ITGB8: variants seen among roughly 807,000 people sequenced by gnomAD.
The protein encoded by ITGB8 is integrin subunit beta 8.
In ITGB8, 30 loss-of-function variants were observed where a neutral mutation model predicts 89.5. That is an observed-to-expected ratio of 0.34 (90% CI 0.25 to 0.45). ITGB8 has a LOEUF of 0.45. Among genes scored for constraint, ITGB8 ranks in the 20% least tolerant of loss-of-function variants. ITGB8 has a pLI of 1.00. For synonymous variants in ITGB8, 335 were observed against 320.4 expected, an observed-to-expected ratio of 1.05 and a Z score of -0.49; for missense variants, 836 against 933.3, an observed-to-expected ratio of 0.90 and a Z score of 1.36.
At chr7:20,363,551 A>G in intron 1 of ITGB8, 86 bp from the exon 2 acceptor site, 2 of 667,592 alleles carry the variant, frequency 3.0e-6, no homozygotes, top group South Asian at 7.9e-5. Context: ...ATTTGTTTCA[A>G]TTGTTCATTT....
intron 11 of ITGB8, among the ~76,000 whole-genome samples, chr7:20,405,477 A>ATTTTT (rs35951169): frequency 7.0e-6 from 1 of 142,044 alleles, no homozygotes; most frequent in Admixed American, 7.1e-5. Context: ...CGCCGGGCTA[A>ATTTTT]TTTTTTTTTT....
intron 1 of ITGB8, among the ~76,000 whole-genome samples, chr7:20,341,448 G>C (rs1030988796): frequency 6.6e-6 from 1 of 152,174 alleles, no homozygotes; most frequent in African/African-American, 2.4e-5. Context: ...GAGGGCCAAC[G>C]TATATAATCA....
At chr7:20,346,230 A>T (rs531904965) in intron 1 of ITGB8, among the ~76,000 whole-genome samples, 12 of 152,288 alleles carry the variant, frequency 7.9e-5, no homozygotes, top group Admixed American at 7.2e-4. Context: ...AGGGGAAGAC[A>T]AGTTCTCAGG....
In ITGB8 at chr7:20,411,868, C is replaced by T. The variant is rs1359109856; in HGVS notation, c.*1871C>T. On this transcript the variant is annotated 3_prime_UTR_variant, in exon 14 of 14. Transcript: ENST00000222573. ...CAGTGCTCAGCTTGAGACCTTGATA[C>T]ACGGGCCATGAGCCCTGTCTTCCCC... 1 of 152,302 alleles carries T rather than the reference C, an allele frequency of 6.6e-6. No individual in the cohort carries two copies. The highest frequency in any genetic ancestry group is 1.5e-5 in the Non-Finnish European group (1 of 68,056). 9.4% of individuals were successfully genotyped at this position (152,302 alleles called of 1,614,324 possible).
rs1554299676 is a variant in ITGB8, at chr7:20,331,373, T to C, written c.-434T>C. ...CCAGTGAATGTACATTAGGGTGGTT[T>C]CCCCCCCAGCTTCGGGCTTTGTTTG... On this transcript the variant is annotated 5_prime_UTR_variant, in exon 1 of 14. Transcript: ENST00000222573. The C allele has an allele frequency of 5.0e-6, 2 of 397,578 alleles. No homozygotes were observed. Among genetic ancestry groups the C allele is most frequent in the Non-Finnish European group, 8.8e-6 (2 of 226,462 alleles). 24.6% of individuals were successfully genotyped at this position (397,578 alleles called of 1,614,324 possible). A position where few individuals can be genotyped will look rare whatever the true frequency, so the allele number is the denominator to read the frequency against.
intron 1 of ITGB8, among the ~76,000 whole-genome samples, chr7:20,342,797 G>A (rs995830472): frequency 1.3e-5 from 2 of 152,164 alleles, no homozygotes; most frequent in African/African-American, 4.8e-5. Context: ...GCATTTGAGA[G>A]CACAGAAACC....
At position 20,380,953 on chromosome 7, in the gene ITGB8, A is replaced by G. The variant is rs575771473; in HGVS notation, c.801+122A>G. 15 of 799,162 alleles carry G rather than the reference A, an allele frequency of 1.9e-5. No homozygotes were observed. The African/African-American group carries it at 2.6e-4, about 14-fold the overall frequency. The allele number at this position is 799,162 out of a possible 1,614,324, so 49.5% of individuals were successfully genotyped here. On this transcript the variant is annotated intron_variant, in intron 5 of 13. Transcript: ENST00000222573. Reference sequence around the variant, plus strand: ...AGTGTAGAAGAAAACATATCTTACTATCTCTTACTCCTCACCAAGGTGATT... The same window carrying G: ...AGTGTAGAAGAAAACATATCTTACTGTCTCTTACTCCTCACCAAGGTGATT...
At chr7:20,402,266 T>C (rs1411826058) in intron 10 of ITGB8, 140 bp downstream of exon 10, 16 of 696,812 alleles carry the variant, frequency 2.3e-5, no homozygotes, top group Non-Finnish European at 3.6e-5. Context: ...GTCCATGAAA[T>C]TAGGGCATGG....
chr7:20,373,221 TAAATGACATTTAA>T (rs1303908819), intron 3 of ITGB8, among the ~76,000 whole-genome samples: 2 of 152,332 alleles, frequency 1.3e-5, no homozygotes, highest in African/African-American at 4.8e-5. Flanking sequence ...TTGGATGTTT[TAAATGACATTTAA>T]AAATGACATT....
At chr7:20,356,496 T>C (rs1785299113) in intron 1 of ITGB8, among the ~76,000 whole-genome samples, 1 of 152,202 alleles carries the variant, frequency 6.6e-6, no homozygotes, top group Admixed American at 6.5e-5. Context: ...GCAGAACATG[T>C]ATTAATTACA....
intron 1 of ITGB8, among the ~76,000 whole-genome samples, chr7:20,349,937 G>A (rs192136664): frequency 6.6e-6 from 1 of 152,078 alleles, no homozygotes; most frequent in East Asian, 1.9e-4. Flanking sequence ...CAGATGTATA[G>A]ACCTCTGAAG....
Position 20,396,167 on chromosome 7 carries a change from G to A in ITGB8, c.1146+1182G>A, listed in dbSNP as rs552860833. 2.6e-5 allele frequency among the ~76,000 whole-genome samples: 4 copies of A among 152,254 alleles called. No individual in the cohort carries two copies. In the East Asian group the frequency reaches 5.8e-4, roughly 22 times the overall value. ...GAAATGAAGAACTTAGGCCGGGCGC[G>A]GTGGTTCATGCCTGTAATCCCAGCA... On this transcript the variant is annotated intron_variant, in intron 8 of 13. Transcript: ENST00000222573.
intron 1 of ITGB8, among the ~76,000 whole-genome samples, chr7:20,357,266 A>G (rs2128134244): frequency 6.6e-6 from 1 of 152,288 alleles, no homozygotes; most frequent in South Asian, 2.1e-4. Context: ...TATATATTCA[A>G]CTTTATGGGC....
At chr7:20,378,651 G>A (rs952999072) in intron 3 of ITGB8, among the ~76,000 whole-genome samples, 7 of 151,782 alleles carry the variant, frequency 4.6e-5, no homozygotes, top group African/African-American at 9.7e-5. Flanking sequence ...CATTCCACAC[G>A]TACATCCCCC....
In ITGB8 at chr7:20,413,757, T is replaced by C. The variant is rs1188289385; in HGVS notation, c.*3760T>C. The C allele has an allele frequency of 1.3e-5, 2 of 152,238 alleles. No homozygotes were observed. The highest frequency in any genetic ancestry group is 2.4e-5 in the African/African-American group (1 of 41,566). The allele number at this position is 152,238 out of a possible 1,614,324, so 9.4% of individuals were successfully genotyped here. A position where few individuals can be genotyped will look rare whatever the true frequency, so the allele number is the denominator to read the frequency against. ...ACAACTGTTTGAGCTTCTTTTCATT[T>C]TGAAGGATTTGGAATATATATGTTT... On this transcript the variant is annotated 3_prime_UTR_variant, in exon 14 of 14. Transcript: ENST00000222573.
chr7:20,385,543 C>T (rs1210344761), intron 6 of ITGB8, among the ~76,000 whole-genome samples: 1 of 152,170 alleles, frequency 6.6e-6, no homozygotes, highest in East Asian at 1.9e-4. Context: ...AGTCGATCAG[C>T]ATCTTATAGC....
Position 20,331,844 on chromosome 7 carries a change from T to C in ITGB8, c.38T>C (p.Phe13Ser). 1 of 1,613,788 alleles carries C rather than the reference T, an allele frequency of 6.2e-7. No homozygotes were observed. Among genetic ancestry groups the C allele is most frequent in the Non-Finnish European group, 8.5e-7 (1 of 1,180,028 alleles). The change falls in exon 1 of 14, where the codon TTT (phenylalanine) becomes TCT (serine). Residue 13 changes from phenylalanine to serine, a missense_variant. By Grantham distance (155) the Phe-to-Ser change is radical. Around this residue, in one of 5 missense-constraint regions of ITGB8, gnomAD observed 182 missense variants for 177.0 expected, o/e 1.03. Transcript: ENST00000222573. The part of the protein sequence containing the change: ...GSALAFFTAA[F>S]VCLQNDRRGP... ...GCCCTGGCTTTTTTTACCGCTGCAT[T>C]TGTCTGCCTGCAAAACGACCGGCGA...
At chr7:20,386,550 G>A (rs1218972064) in intron 6 of ITGB8, among the ~76,000 whole-genome samples, 2 of 151,432 alleles carry the variant, frequency 1.3e-5, no homozygotes, top group South Asian at 2.1e-4. Context: ...GAGCCACTGC[G>A]CCTGGCCTGA....
chr7:20,335,034 C>A (rs1338740634), intron 1 of ITGB8, among the ~76,000 whole-genome samples: 2 of 152,198 alleles, frequency 1.3e-5, no homozygotes, highest in Non-Finnish European at 2.9e-5. Flanking sequence ...GCTTCATTAA[C>A]CATCAACTCA....
Sources: gnomAD v4.1 joint callset for allele counts (sites outside exome capture counted in the v4.1 genomes callset) on GRCh38, gnomAD v4.1.1 for gene constraint, gnomAD v4.1.1 regional missense constraint, MANE v1.5 for transcripts, NCBI Gene and HGNC (gene_info 2026-07-23, HGNC 2026-07-21) for gene names.